ST3GAL2: variants seen among roughly 807,000 people sequenced by gnomAD.
ST3GAL2 encodes ST3 beta-galactoside alpha-2,3-sialyltransferase 2, also known as CMP-N-acetylneuraminate-beta-galactosamide-alpha-2,3-sialyltransferase 2.
Under a neutral mutation model 37.5 loss-of-function variants are expected in ST3GAL2, and 16 were observed. The ratio of observed to expected loss-of-function variants is 0.43; its 90% confidence interval spans 0.29 to 0.65. The LOEUF is 0.65. Ranked by LOEUF, ST3GAL2 falls within the 30% of genes least tolerant of loss-of-function variation. The pLI is 0.17. For synonymous variants in ST3GAL2, 238 were observed against 202.9 expected (o/e 1.17, Z -1.47); for missense variants, 383 against 487.8 (o/e 0.79, Z 2.02).
At chr16:70,421,863 C>T (rs1206780425) in intron 1 of ST3GAL2, among the ~76,000 whole-genome samples, 1 of 130,990 alleles carries the variant, frequency 7.6e-6, no homozygotes, top group Non-Finnish European at 1.5e-5. Flanking sequence ...CCTCATAGGG[C>T]CATTGTGAGG....
At chr16:70,388,593 G>T (rs750579397) in intron 3 of ST3GAL2, 47 bp from the exon 4 acceptor site, 1 of 1,524,860 alleles carries the variant, frequency 6.6e-7, no homozygotes, top group Non-Finnish European at 8.8e-7. Context: ...CATGGAAACT[G>T]ATACAAGATT....
intron 1 of ST3GAL2, among the ~76,000 whole-genome samples, chr16:70,417,819 G>C (rs774809284): frequency 6.6e-5 from 10 of 151,982 alleles, no homozygotes; most frequent in Non-Finnish European, 1.0e-4. Flanking sequence ...TGGCTGGGGG[G>C]GCGGGGGGAA....
At chr16:70,423,048 C>T (rs1238471698) in intron 1 of ST3GAL2, 1 of 152,372 alleles carries the variant, frequency 6.6e-6, no homozygotes, top group African/African-American at 2.4e-5. Flanking sequence ...AACACAGCCA[C>T]ACCAGAGCCA....
At position 70,398,371 on chromosome 16, in the gene ST3GAL2, A is replaced by G. The variant is rs2047531730; in HGVS notation, c.160T>C (p.Tyr54His). The change falls in exon 2 of 7, where the codon TAT (tyrosine) becomes CAT (histidine). Residue 54 changes from tyrosine (Y) to histidine (H), a missense_variant. Tyr to His is a moderately conservative substitution (Grantham distance 83, BLOSUM62 2). Around this residue, in one of 2 missense-constraint regions of ST3GAL2, gnomAD observed 223 missense variants for 239.1 expected, o/e 0.93. Coordinates refer to ENST00000342907, the MANE Select transcript of ST3GAL2 (RefSeq NM_006927.4). ...GTHRVKLVPG[Y>H]AGLQRLSKER... is the part of the protein sequence containing the mutation. ...TTGCTGAGGCGCTGCAGGCCGGCAT[A>G]GCCGGGCACCAGCTTCACCCGGTGC... 3.1e-6 allele frequency: 5 copies of G among 1,613,374 alleles called. No individual in the cohort carries two copies. The Admixed American group carries it at 8.3e-5, about 27-fold the overall frequency.
chr16:70,388,146 C>G (rs1020908173), intron 4 of ST3GAL2, among the ~76,000 whole-genome samples: 9 of 151,686 alleles, frequency 5.9e-5, no homozygotes, highest in Non-Finnish European at 4.4e-5. Context: ...AAAAACAGAT[C>G]CTTCCTCATC....
In ST3GAL2 at chr16:70,378,306, G is replaced by C. The variant is rs757422254; in HGVS notation, c.*3383C>G. ...CACACCCCTGTAATTCCAGCTACTC[G>C]GGAGGTTGAGGTGGGTGAACTTGGG... On this transcript the variant is annotated 3_prime_UTR_variant, in exon 7 of 7. Coordinates refer to ENST00000342907, the MANE Select transcript of ST3GAL2 (RefSeq NM_006927.4). 2 of 151,330 alleles carry C rather than the reference G, an allele frequency of 1.3e-5. No homozygotes were observed. Among genetic ancestry groups the C allele is most frequent in the South Asian group, 4.2e-4 (2 of 4,778 alleles). The allele number at this position is 151,330 out of a possible 1,614,324, so 9.4% of individuals were successfully genotyped here.
At chr16:70,387,738 T>C (rs939644150) in intron 4 of ST3GAL2, among the ~76,000 whole-genome samples, 3 of 152,110 alleles carry the variant, frequency 2.0e-5, no homozygotes, top group Non-Finnish European at 2.9e-5. Flanking sequence ...TTCCCGGCTA[T>C]GATGGGACAA....
intron 4 of ST3GAL2, among the ~76,000 whole-genome samples, chr16:70,387,183 G>A (rs1457773132): frequency 6.6e-6 from 1 of 152,142 alleles, no homozygotes; most frequent in East Asian, 1.9e-4. Context: ...TTGAACCTGG[G>A]AGGCGGAGGT....
Position 70,388,309 on chromosome 16 carries a change from G to C in ST3GAL2, c.713+58C>G, listed in dbSNP as rs2047456606. Reference sequence around the variant, plus strand: ...GAATCCTACAATCTGGCCCCTAGAAGACTCTGCCCAAGATGGTCCTGTCAC... The same window carrying C: ...GAATCCTACAATCTGGCCCCTAGAACACTCTGCCCAAGATGGTCCTGTCAC... On this transcript the variant is annotated intron_variant, in intron 4 of 6. Transcript: ENST00000342907. 14 of 1,603,938 alleles carry C rather than the reference G, an allele frequency of 8.7e-6. No homozygotes were observed. In the Admixed American group the frequency reaches 2.0e-4, roughly 23 times the overall value.
At chr16:70,395,808 G>C (rs2047512028) in intron 2 of ST3GAL2, among the ~76,000 whole-genome samples, 1 of 152,166 alleles carries the variant, frequency 6.6e-6, no homozygotes, top group Non-Finnish European at 1.5e-5. Flanking sequence ...GGAGTGACAT[G>C]GCAGGTAAGG....
Position 70,409,571 on chromosome 16 carries a change from A to T in ST3GAL2, c.-1003-10038T>A, listed in dbSNP as rs150699847. Reference sequence around the variant, plus strand: ...TTGGCCAGGCTGGTCTCGAACTCCCAGCCTCAGGTGTTCCGCCCACCTCCG... The same window carrying T: ...TTGGCCAGGCTGGTCTCGAACTCCCTGCCTCAGGTGTTCCGCCCACCTCCG... On this transcript the variant is annotated intron_variant, in intron 1 of 6. Coordinates refer to ENST00000342907, the MANE Select transcript of ST3GAL2 (RefSeq NM_006927.4). Among the ~76,000 whole-genome samples, 60 of 152,138 alleles carry T rather than the reference A, an allele frequency of 3.9e-4. 1 individual carries two copies. In the East Asian group the frequency reaches 0.011, roughly 29 times the overall value.
rs1422586999 is a variant in ST3GAL2 at position 70,378,749 on chromosome 16, A to C, written c.*2940T>G. On this transcript the variant is annotated 3_prime_UTR_variant, in exon 7 of 7. Coordinates refer to ENST00000342907, the MANE Select transcript of ST3GAL2 (RefSeq NM_006927.4). ...ACTGGCTCACGCCTGTAATCCCAGC[A>C]CTTTGGGAGGCCGAGGCGGGCAGAT... The C allele has an allele frequency of 6.6e-6, 1 of 151,758 alleles. No homozygotes were observed. Among genetic ancestry groups the C allele is most frequent in the African/African-American group, 2.4e-5 (1 of 41,214 alleles). 9.4% of individuals were successfully genotyped at this position (151,758 alleles called of 1,614,324 possible).
At chr16:70,424,496 G>A (rs1161149222) in intron 1 of ST3GAL2, among the ~76,000 whole-genome samples, 19 of 151,818 alleles carry the variant, frequency 1.3e-4, no homozygotes, top group Non-Finnish European at 2.8e-4. Flanking sequence ...AGCTACTCGG[G>A]AGGCTGAGAC....
At chr16:70,387,197 A>G (rs1394473450) in intron 4 of ST3GAL2, among the ~76,000 whole-genome samples, 1 of 152,070 alleles carries the variant, frequency 6.6e-6, no homozygotes, top group Non-Finnish European at 1.5e-5. Context: ...CGGAGGTTAC[A>G]GTGAGCTGAG....
At chr16:70,382,665 C>T (rs1019176957) in intron 6 of ST3GAL2, 140 bp downstream of exon 6, 2 of 1,257,348 alleles carry the variant, frequency 1.6e-6, no homozygotes, top group Non-Finnish European at 2.2e-6. Flanking sequence ...CTATACTTTA[C>T]AGCCTAGAGA....
chr16:70,384,304 C>G (rs1035318476), intron 4 of ST3GAL2, among the ~76,000 whole-genome samples: 7 of 152,178 alleles, frequency 4.6e-5, no homozygotes, highest in Non-Finnish European at 1.0e-4. Flanking sequence ...ACAGGAAATT[C>G]TGACACATGC....
At chr16:70,434,044 C>T (rs185166784) in intron 1 of ST3GAL2, among the ~76,000 whole-genome samples, 2 of 152,270 alleles carry the variant, frequency 1.3e-5, no homozygotes, top group East Asian at 1.9e-4. Context: ...CACATTTCCA[C>T]TGTAGATCTA....
intron 4 of ST3GAL2, among the ~76,000 whole-genome samples, chr16:70,385,850 G>C (rs1197568894): frequency 6.6e-6 from 1 of 151,164 alleles, no homozygotes; most frequent in East Asian, 2.0e-4. Context: ...AGGACTACAG[G>C]AGCATGCCAC....
chr16:70,429,832 A>G (rs985623405), intron 1 of ST3GAL2, among the ~76,000 whole-genome samples: 1 of 151,698 alleles, frequency 6.6e-6, no homozygotes, highest in African/African-American at 2.4e-5. Context: ...TAGTAGAGAT[A>G]GGGTTTTGCC....
Sources: allele counts gnomAD v4.1 joint callset (sites outside exome capture counted in the v4.1 genomes callset), GRCh38; gene constraint gnomAD v4.1.1; regional missense constraint gnomAD v4.1.1; transcripts MANE v1.5; gene names NCBI Gene and HGNC (gene_info 2026-07-23, HGNC 2026-07-21).